The following SHANK2 variants were observed in gnomAD, a reference collection of about 807,000 sequenced individuals.
SHANK2 encodes the protein SH3 and multiple ankyrin repeat domains protein 2.
A neutral mutation model predicts 133.7 loss-of-function variants in SHANK2; 43 were observed. The observed-to-expected ratio is 0.32, with a 90% CI of 0.25 to 0.41. The LOEUF (loss-of-function observed/expected upper bound fraction) is 0.41. SHANK2 is among the 10% of genes least tolerant of loss of function. The probability of loss-of-function intolerance (pLI) is 1.00; values close to 1 mark genes in which losing one functional copy is unlikely to be tolerated. For missense variants in SHANK2, 1,994 were observed against 2,235.8 expected (o/e 0.89, Z 2.18); for synonymous variants, 1,017 against 952.8 (o/e 1.07, Z -1.24).
chr11:70,524,842 T>C (rs2059376040), intron 17 of SHANK2, among the ~76,000 whole-genome samples: 1 of 152,230 alleles, frequency 6.6e-6, no homozygotes, highest in South Asian at 2.1e-4. Context: ...GGGGGGAACA[T>C]TCCGCTGCCT....
At chr11:70,789,525 A>T (rs1411962862) in intron 14 of SHANK2, among the ~76,000 whole-genome samples, 4 of 152,156 alleles carry the variant, frequency 2.6e-5, no homozygotes, top group Non-Finnish European at 5.9e-5. Flanking sequence ...GTCAGCCAGA[A>T]GATTCCGGAA....
chr11:71,092,334 T>C, intron 8 of SHANK2, 88 bp downstream of exon 8: 2 of 1,445,454 alleles, frequency 1.4e-6, no homozygotes, highest in African/African-American at 1.4e-5. Context: ...GGATCTAACC[T>C]TTGGGCCACC....
intron 14 of SHANK2, among the ~76,000 whole-genome samples, chr11:70,714,676 C>A (rs1945870266): frequency 6.6e-6 from 1 of 152,154 alleles, no homozygotes; most frequent in African/African-American, 2.4e-5. Flanking sequence ...AACATCAGAG[C>A]TGGGATCCAA....
intron 14 of SHANK2, among the ~76,000 whole-genome samples, chr11:70,751,632 T>G (rs1591813012): frequency 6.6e-6 from 1 of 152,350 alleles, no homozygotes; most frequent in East Asian, 1.9e-4. Flanking sequence ...ACTTCTTACA[T>G]TCTTGAAAAT....
At chr11:70,608,848 G>A (rs1326455283) in intron 17 of SHANK2, among the ~76,000 whole-genome samples, 1 of 152,206 alleles carries the variant, frequency 6.6e-6, no homozygotes, top group Admixed American at 6.5e-5. Flanking sequence ...TCATTCCAGC[G>A]GCTATAAATA....
intron 10 of SHANK2, among the ~76,000 whole-genome samples, chr11:70,902,075 C>G (rs935687845): frequency 6.6e-6 from 1 of 152,182 alleles, no homozygotes; most frequent in Non-Finnish European, 1.5e-5. Flanking sequence ...GGCTGGCACT[C>G]TTGGACAGAC....
rs1160369793 is a variant in SHANK2, at chr11:70,468,615, T to C, written c.*4254A>G. On this transcript the variant is annotated 3_prime_UTR_variant, in exon 26 of 26. Coordinates refer to ENST00000601538, the MANE Select transcript of SHANK2 (RefSeq NM_012309.5). ...AGTAAGGTAAACGAATATATTCATCTAGGAAAAGTGGTCTGGAAGAAACCA... is the reference window on the plus strand; with the variant it reads ...AGTAAGGTAAACGAATATATTCATCCAGGAAAAGTGGTCTGGAAGAAACCA... 6.6e-6 allele frequency: 1 copy of C among 152,188 alleles called. No individual in the cohort carries two copies. Among genetic ancestry groups the C allele is most frequent in the Non-Finnish European group, 1.5e-5 (1 of 68,020 alleles). 9.4% of individuals were successfully genotyped at this position (152,188 alleles called of 1,614,324 possible).
chr11:70,591,906 C>T lies in SHANK2; in HGVS notation c.2061+67922G>A, dbSNP rs570825360. Among the ~76,000 whole-genome samples, 5 of 152,108 alleles carry T rather than the reference C, an allele frequency of 3.3e-5. No homozygotes were observed. The South Asian group carries it at 1.0e-3, about 32-fold the overall frequency. On this transcript the variant is annotated intron_variant, in intron 17 of 25. Coordinates refer to ENST00000601538, the MANE Select transcript of SHANK2 (RefSeq NM_012309.5). ...TGGTGGTGTGTGCCTGAAGTCCCAGCTACTCGGGAGGCTGAGGCAGGAGAA... is the reference window on the plus strand; with the variant it reads ...TGGTGGTGTGTGCCTGAAGTCCCAGTTACTCGGGAGGCTGAGGCAGGAGAA...
intron 9 of SHANK2, among the ~76,000 whole-genome samples, chr11:71,069,101 CATT>C (rs1189726611): frequency 1.1e-3 from 162 of 150,276 alleles, no homozygotes; most frequent in African/African-American, 3.5e-3. Context: ...TCACCATCAT[CATT>C]ATCAACCACC....
intron 13 of SHANK2, among the ~76,000 whole-genome samples, chr11:70,802,625 A>G (rs1948070835): frequency 6.6e-6 from 1 of 152,210 alleles, no homozygotes; most frequent in African/African-American, 2.4e-5. Flanking sequence ...AAATTGACAC[A>G]GGACTTACTT....
At chr11:71,103,141 G>A (rs190344680) in intron 6 of SHANK2, among the ~76,000 whole-genome samples, 171 of 152,308 alleles carry the variant, frequency 1.1e-3, no homozygotes, top group Non-Finnish European at 2.1e-3. Context: ...GGGGGTTAGG[G>A]TTCAACAGTA....
At chr11:71,183,800 A>C (rs1953613358) in intron 2 of SHANK2, among the ~76,000 whole-genome samples, 1 of 152,104 alleles carries the variant, frequency 6.6e-6, no homozygotes, top group Admixed American at 6.5e-5. Context: ...CCCAAGTCAC[A>C]ACCCCACCCG....
At chr11:70,766,991 T>C (rs1591826006) in intron 14 of SHANK2, among the ~76,000 whole-genome samples, 1 of 152,236 alleles carries the variant, frequency 6.6e-6, no homozygotes. Flanking sequence ...TCCACTCTGC[T>C]AGCTCTGGTG....
chr11:70,485,885 T>C lies in SHANK2; in HGVS notation c.4408A>G (p.Asn1470Asp), dbSNP rs1555153141. 2 of 1,614,108 alleles carry C rather than the reference T, an allele frequency of 1.2e-6. No individual in the cohort carries two copies. Among genetic ancestry groups the C allele is most frequent in the African/African-American group, 1.3e-5 (1 of 75,024 alleles). Residue 1470 changes from asparagine to aspartate, a missense_variant, in exon 25 of 26, where the codon AAC (asparagine) becomes GAC (aspartate). Physicochemically the swap from Asn to Asp is conservative, Grantham distance 23. Transcript: ENST00000601538. The surrounding 1 kb of genome is among the most constrained non-coding windows in gnomAD (Gnocchi z 5.8). ...GGCAGGAATGAGGCAGGCAGACAGTTTGAAAGACTGGCTGGCTTCTTGCTG... is the reference window on the plus strand; with the variant it reads ...GGCAGGAATGAGGCAGGCAGACAGTCTGAAAGACTGGCTGGCTTCTTGCTG... ...ADSKKPASLS[N>D]CLPASFLPPP... is the part of the protein sequence containing the mutation.
At chr11:70,734,436 C>T (rs1391472859) in intron 14 of SHANK2, among the ~76,000 whole-genome samples, 3 of 152,154 alleles carry the variant, frequency 2.0e-5, no homozygotes, top group Admixed American at 6.5e-5. Flanking sequence ...CCAGTCCACA[C>T]GCTCCACACT....
At position 71,148,091 on chromosome 11, in the gene SHANK2, T is replaced by C. The variant is rs1213829622; in HGVS notation, c.-12-753A>G. Among the ~76,000 whole-genome samples the C allele has an allele frequency of 1.0e-4, 15 of 149,516 alleles. No homozygotes were observed. The East Asian group carries it at 1.7e-3, about 17-fold the overall frequency. ...CTTAGACCAAGGCTTCTTGTTTTTT[T>C]TTTTTTTTTTGAGATGGAGTTTCAC... On this transcript the variant is annotated intron_variant, in intron 2 of 25. Coordinates refer to ENST00000601538, the MANE Select transcript of SHANK2 (RefSeq NM_012309.5).
At chr11:71,247,670 T>C (rs1954980617) in intron 1 of SHANK2, among the ~76,000 whole-genome samples, 1 of 152,122 alleles carries the variant, frequency 6.6e-6, no homozygotes, top group African/African-American at 2.4e-5. Context: ...CCTCTCCCTC[T>C]GGGGGAGCTC....
chr11:71,124,772 A>G (rs1952151746), intron 3 of SHANK2, among the ~76,000 whole-genome samples: 1 of 152,184 alleles, frequency 6.6e-6, no homozygotes. Flanking sequence ...AATTAGAGGC[A>G]TATCCCATTC....
In SHANK2 at chr11:71,247,581, C is replaced by A. The variant is rs112879974; in HGVS notation, c.-113+4844G>T. The stretch of plus-strand genomic sequence containing the variant: ...CATGGCAGAGCTGCAGTGCTTATGA[C>A]CTCTAATGCACGCCTCCTGGGGGGT... On this transcript the variant is annotated intron_variant, in intron 1 of 25. Coordinates refer to ENST00000601538, the MANE Select transcript of SHANK2 (RefSeq NM_012309.5). Among the ~76,000 whole-genome samples, 454 of 151,924 alleles carry A rather than the reference C, an allele frequency of 3.0e-3. 2 individuals carry two copies. Among genetic ancestry groups the A allele is most frequent in the Non-Finnish European group, 5.5e-3 (373 of 67,944 alleles).
Sources: gnomAD v4.1 joint callset for allele counts (sites outside exome capture counted in the v4.1 genomes callset) on GRCh38, gnomAD v4.1.1 for gene constraint, Gnocchi (gnomAD v3.1) non-coding constraint, MANE v1.5 for transcripts, NCBI Gene and HGNC (gene_info 2026-07-23, HGNC 2026-07-21) for gene names.